Variants in MAML2 observed in about 807,000 individuals in gnomAD.
MAML2 encodes the protein mastermind like transcriptional coactivator 2.
Under a neutral mutation model 96.1 loss-of-function variants are expected in MAML2, and 22 were observed. The ratio of observed to expected loss-of-function variants is 0.23; its 90% CI spans 0.16 to 0.33. The LOEUF (loss-of-function observed/expected upper bound fraction) is 0.33, where lower values mean the gene tolerates loss of function less well. MAML2 is among the 10% of genes least tolerant of loss of function. The pLI is 1.00. For synonymous variants in MAML2, 561 were observed against 521.3 expected (o/e 1.08, Z -1.04); for missense variants, 1,367 against 1,392.4 (o/e 0.98, Z 0.29).
chr11:96,009,811 A>T (rs1451466947), intron 2 of MAML2, among the ~76,000 whole-genome samples: 1 of 152,174 alleles, frequency 6.6e-6, no homozygotes, highest in African/African-American at 2.4e-5. Flanking sequence ...TTTTCCCCCT[A>T]GCCCTAGGAT....
chr11:96,328,294 A>G (rs1332917791), intron 1 of MAML2, among the ~76,000 whole-genome samples: 1 of 152,200 alleles, frequency 6.6e-6, no homozygotes, highest in Non-Finnish European at 1.5e-5. Context: ...ATTTTCACCT[A>G]AAATTCCAGC....
At chr11:96,339,979 G>A (rs1168834170) in intron 1 of MAML2, among the ~76,000 whole-genome samples, 1 of 152,218 alleles carries the variant, frequency 6.6e-6, no homozygotes, top group African/African-American at 2.4e-5. Flanking sequence ...TAAACCCTGT[G>A]CAGTTTAACT....
intron 2 of MAML2, among the ~76,000 whole-genome samples, chr11:96,052,161 A>G (rs1437480080): frequency 6.6e-6 from 1 of 152,204 alleles, no homozygotes; most frequent in African/African-American, 2.4e-5. Flanking sequence ...AGTCATATAC[A>G]TTCTTTGCAT....
At chr11:96,041,722 T>C (rs953830179) in intron 2 of MAML2, among the ~76,000 whole-genome samples, 39 of 150,870 alleles carry the variant, frequency 2.6e-4, no homozygotes, top group African/African-American at 9.2e-4. Flanking sequence ...CTAGCTGGAG[T>C]GAGTGATTTT....
chr11:96,212,150 T>TGTGTGTGTGTGTGTGTGTGG (rs60072122), intron 1 of MAML2, among the ~76,000 whole-genome samples: 2 of 127,486 alleles, frequency 1.6e-5, no homozygotes, highest in African/African-American at 2.8e-5. Context: ...TGTGTGTGTG[T>TGTGTGTGTGTGTGTGTGTGG]GGAAGGGGGA....
At chr11:96,288,814 A>G (rs751491142) in intron 1 of MAML2, among the ~76,000 whole-genome samples, 2 of 152,230 alleles carry the variant, frequency 1.3e-5, no homozygotes, top group Non-Finnish European at 2.9e-5. Flanking sequence ...TCTACTATAC[A>G]TTAAATTAAG....
At chr11:96,078,009 TC>T (rs1460668250) in intron 2 of MAML2, among the ~76,000 whole-genome samples, 1 of 152,098 alleles carries the variant, frequency 6.6e-6, no homozygotes, top group Non-Finnish European at 1.5e-5. Context: ...TTTTCTGTCT[TC>T]CCCTGGTCTG....
intron 1 of MAML2, among the ~76,000 whole-genome samples, chr11:96,231,903 T>C (rs477550): frequency 0.22 from 33,353 of 152,164 alleles, 3,778 homozygotes; most frequent in East Asian, 0.28. Context: ...TTTGCCTTGA[T>C]TCCATGCTCA....
chr11:95,979,724 A>G lies in MAML2; in HGVS notation c.2695T>C (p.Leu899=). Residue 899 remains leucine (L), a synonymous_variant, in exon 5 of 5, where the codon TTG becomes CTG. Coordinates refer to ENST00000524717, the MANE Select transcript of MAML2 (RefSeq NM_032427.4). ...ATAGGGTTGTTTTGATTTGCTAACA[A>G]TTGCTTTGGGTTTCTCTGTTGGGTC... ...QLTQQRNPKQ[L]LANQNNPMMP... is the part of the protein sequence containing the mutation. 6.2e-7 allele frequency: 1 copy of G among 1,613,964 alleles called. No individual in the cohort carries two copies. The highest frequency in any genetic ancestry group is 1.3e-5 in the African/African-American group (1 of 75,038).
At chr11:96,089,637 A>G (rs1859672914) in intron 2 of MAML2, among the ~76,000 whole-genome samples, 1 of 152,220 alleles carries the variant, frequency 6.6e-6, no homozygotes. Context: ...AATGCTTTCC[A>G]AAGGGCAATA....
intron 2 of MAML2, among the ~76,000 whole-genome samples, chr11:96,013,712 T>C (rs1858299880): frequency 1.3e-5 from 2 of 152,144 alleles, no homozygotes; most frequent in Non-Finnish European, 2.9e-5. Context: ...AGCAGGACAC[T>C]GGCGGGACGA....
intron 1 of MAML2, among the ~76,000 whole-genome samples, chr11:96,234,160 G>A (rs1435323906): frequency 2.6e-5 from 4 of 152,172 alleles, no homozygotes; most frequent in Non-Finnish European, 4.4e-5. Context: ...AATATACCTT[G>A]AGACATTGAA....
intron 2 of MAML2, among the ~76,000 whole-genome samples, chr11:96,005,530 T>C (rs745829142): frequency 2.0e-5 from 3 of 152,218 alleles, no homozygotes; most frequent in Non-Finnish European, 4.4e-5. Context: ...AAATACAAAC[T>C]ATCAACAAGA....
intron 1 of MAML2, among the ~76,000 whole-genome samples, chr11:96,099,012 G>A (rs866318559): frequency 5.3e-5 from 8 of 151,604 alleles, no homozygotes; most frequent in South Asian, 2.1e-4. Flanking sequence ...TGCTGCCCTA[G>A]AAACAGGGAA....
At chr11:96,252,406 C>G (rs912322579) in intron 1 of MAML2, among the ~76,000 whole-genome samples, 1 of 150,394 alleles carries the variant, frequency 6.6e-6, no homozygotes, top group Non-Finnish European at 1.5e-5. Context: ...TTGTTCTCAG[C>G]GCTTTACCTT....
intron 2 of MAML2, among the ~76,000 whole-genome samples, chr11:96,088,952 A>T (rs190609045): frequency 1.1e-4 from 17 of 152,144 alleles, no homozygotes; most frequent in Admixed American, 1.1e-3. Context: ...AATTTAGTCT[A>T]CCAATTTGTA....
chr11:96,306,916 C>T (rs1239853451), intron 1 of MAML2, among the ~76,000 whole-genome samples: 2 of 152,160 alleles, frequency 1.3e-5, no homozygotes, highest in Non-Finnish European at 2.9e-5. Flanking sequence ...AACCCAGAGA[C>T]TACCAAAATG....
At chr11:96,106,572 C>G (rs762970456) in intron 1 of MAML2, among the ~76,000 whole-genome samples, 2 of 152,174 alleles carry the variant, frequency 1.3e-5, no homozygotes, top group Admixed American at 1.3e-4. Context: ...ACTTCAAGGA[C>G]CTCATTCTGT....
intron 1 of MAML2, among the ~76,000 whole-genome samples, chr11:96,161,865 T>G (rs1289838339): frequency 6.6e-6 from 1 of 152,236 alleles, no homozygotes; most frequent in Non-Finnish European, 1.5e-5. Flanking sequence ...AATATAATCA[T>G]GGCAATAGAT....
Sources: allele counts gnomAD v4.1 joint callset (sites outside exome capture counted in the v4.1 genomes callset), GRCh38; gene constraint gnomAD v4.1.1; transcripts MANE v1.5; gene names NCBI Gene and HGNC (gene_info 2026-07-23, HGNC 2026-07-21).